The following RNGTT variants were observed in gnomAD, a reference collection of about 807,000 sequenced individuals.
RNGTT encodes the protein RNA guanylyltransferase and 5'-phosphatase, also known as mRNA-capping enzyme.
A neutral mutation model predicts 79.3 loss-of-function variants in RNGTT; 33 were observed. The ratio of observed to expected loss-of-function variants is 0.42; its 90% confidence interval spans 0.32 to 0.56. The LOEUF is 0.56. Among genes scored for constraint, RNGTT ranks in the 20% least tolerant of loss-of-function variants. The probability of loss-of-function intolerance (pLI) is 0.17; values close to 1 mark genes in which losing one functional copy is unlikely to be tolerated. For missense variants in RNGTT, 497 were observed against 739.1 expected (o/e 0.67, Z 3.80); for synonymous variants, 222 against 235.9 (o/e 0.94, Z 0.54).
At position 88,963,561 on chromosome 6, in the gene RNGTT, G is replaced by A; in HGVS notation, c.-152C>T. 2 of 656,938 alleles carry A rather than the reference G, an allele frequency of 3.0e-6. No individual in the cohort carries two copies. 40.7% of individuals were successfully genotyped at this position (656,938 alleles called of 1,614,324 possible). A position where few individuals can be genotyped will look rare whatever the true frequency, so the allele number is the denominator to read the frequency against. On this transcript the variant is annotated 5_prime_UTR_variant, in exon 1 of 16. Coordinates refer to ENST00000369485, the MANE Select transcript of RNGTT (RefSeq NM_003800.5). ...CCTCTCCGATCCGGGTAACGTCAGG[G>A]GCGGCGCGCCACTTTCATTCAGGAT...
chr6:88,724,961 T>C (rs985267235), intron 13 of RNGTT, among the ~76,000 whole-genome samples: 1 of 152,154 alleles, frequency 6.6e-6, no homozygotes, highest in Non-Finnish European at 1.5e-5. Context: ...TGGTCACGGA[T>C]AAGAACCCCT....
intron 11 of RNGTT, among the ~76,000 whole-genome samples, chr6:88,813,300 G>A (rs544198361): frequency 6.6e-6 from 1 of 152,220 alleles, no homozygotes; most frequent in South Asian, 2.1e-4. Flanking sequence ...AGATCCATGA[G>A]GTAGTATGAA....
chr6:88,614,490 C>A, intron 14 of RNGTT, 95 bp from the exon 15 acceptor site: 1 of 1,163,542 alleles, frequency 8.6e-7, no homozygotes, highest in Non-Finnish European at 1.2e-6. Flanking sequence ...GATAAAAATA[C>A]CTCAGTAACT....
chr6:88,961,959 C>T (rs1490698009), intron 1 of RNGTT, among the ~76,000 whole-genome samples: 3 of 152,194 alleles, frequency 2.0e-5, no homozygotes, highest in Non-Finnish European at 4.4e-5. Flanking sequence ...CAATAAACTA[C>T]TACTCTGCAA....
intron 11 of RNGTT, among the ~76,000 whole-genome samples, chr6:88,836,023 CAT>C (rs1231692909): frequency 0.064 from 5,903 of 91,646 alleles, 207 homozygotes; most frequent in South Asian, 0.12. Flanking sequence ...CACACACACA[CAT>C]ATATATATAA....
chr6:88,940,100 G>A (rs1784800786), intron 2 of RNGTT, among the ~76,000 whole-genome samples: 1 of 143,950 alleles, frequency 6.9e-6, no homozygotes, highest in Admixed American at 7.2e-5. Flanking sequence ...TTTTGAGACA[G>A]AGTCTCACTC....
At chr6:88,948,474 T>C in intron 1 of RNGTT, among the ~76,000 whole-genome samples, 1 of 119,710 alleles carries the variant, frequency 8.4e-6, no homozygotes, top group Middle Eastern at 4.7e-3. Context: ...AGCCGCCCCG[T>C]CCGGGAGGGA....
At chr6:88,631,999 C>T (rs1417118191) in intron 14 of RNGTT, among the ~76,000 whole-genome samples, 5 of 152,200 alleles carry the variant, frequency 3.3e-5, no homozygotes, top group South Asian at 4.2e-4. Context: ...CTTGCTCTGT[C>T]GCCCAAGCTA....
intron 11 of RNGTT, among the ~76,000 whole-genome samples, chr6:88,822,662 C>T (rs959520887): frequency 1.3e-5 from 2 of 152,158 alleles, no homozygotes; most frequent in Non-Finnish European, 2.9e-5. Context: ...TCACCCATTC[C>T]GTCGTTCCAG....
chr6:88,959,988 C>T (rs1562093467), intron 1 of RNGTT, among the ~76,000 whole-genome samples: 1 of 152,198 alleles, frequency 6.6e-6, no homozygotes, highest in Non-Finnish European at 1.5e-5. Flanking sequence ...CTTCTATTTA[C>T]TGAAGATAAT....
At position 88,743,484 on chromosome 6, in the gene RNGTT, C is replaced by G. The variant is rs140649998; in HGVS notation, c.1439+26290G>C. ...GAAACTCTACACCTATGAAAAATGA[C>G]TTCCCATTCCCCACTCCCTCCAGCC... On this transcript the variant is annotated intron_variant, in intron 13 of 15. Transcript: ENST00000369485. Among the ~76,000 whole-genome samples, 765 of 152,214 alleles carry G rather than the reference C, an allele frequency of 5.0e-3. 5 individuals carry two copies. The highest frequency in any genetic ancestry group is 0.017 in the African/African-American group (707 of 41,528).
intron 1 of RNGTT, among the ~76,000 whole-genome samples, 161 bp downstream of exon 1, chr6:88,963,185 T>G (rs1785701502): frequency 6.9e-6 from 1 of 144,682 alleles, no homozygotes; most frequent in Non-Finnish European, 1.5e-5. Flanking sequence ...TCCCCTCCCG[T>G]TCATGTTCCC....
chr6:88,649,436 C>T (rs374900148), intron 14 of RNGTT, among the ~76,000 whole-genome samples: 58 of 152,310 alleles, frequency 3.8e-4, no homozygotes, highest in African/African-American at 1.3e-3. Flanking sequence ...CGGTGGCTCA[C>T]GCCTGTAATC....
intron 14 of RNGTT, among the ~76,000 whole-genome samples, chr6:88,617,066 G>A (rs897682637): frequency 7.2e-5 from 11 of 152,126 alleles, no homozygotes; most frequent in African/African-American, 2.2e-4. Flanking sequence ...AGGTCAGATC[G>A]AGACCATCCT....
At chr6:88,660,320 T>A (rs1055423760) in intron 14 of RNGTT, among the ~76,000 whole-genome samples, 2 of 152,152 alleles carry the variant, frequency 1.3e-5, no homozygotes, top group African/African-American at 4.8e-5. Flanking sequence ...TAACATTGAA[T>A]GTAAATGGCC....
At chr6:88,926,791 T>A (rs1784333039) in intron 4 of RNGTT, among the ~76,000 whole-genome samples, 1 of 152,210 alleles carries the variant, frequency 6.6e-6, no homozygotes, top group South Asian at 2.1e-4. Flanking sequence ...ATAATTGCTA[T>A]GAAAAGAAAA....
At chr6:88,678,957 G>A (rs1190182226) in intron 13 of RNGTT, among the ~76,000 whole-genome samples, 1 of 152,024 alleles carries the variant, frequency 6.6e-6, no homozygotes, top group Non-Finnish European at 1.5e-5. Flanking sequence ...TACACTGAGT[G>A]TGCCTGCCTC....
intron 1 of RNGTT, among the ~76,000 whole-genome samples, chr6:88,958,566 GAACA>G (rs1785509756): frequency 6.6e-6 from 1 of 152,062 alleles, no homozygotes; most frequent in African/African-American, 2.4e-5. Context: ...CAAAGGACAT[GAACA>G]GACAAAAGAA....
At chr6:88,954,933 T>C (rs1228362914) in intron 1 of RNGTT, among the ~76,000 whole-genome samples, 1 of 151,722 alleles carries the variant, frequency 6.6e-6, no homozygotes, top group Non-Finnish European at 1.5e-5. Flanking sequence ...TGGCACGGGC[T>C]TGTAATCCCA....
Sources: gnomAD v4.1 joint callset for allele counts (sites outside exome capture counted in the v4.1 genomes callset) on GRCh38, gnomAD v4.1.1 for gene constraint, MANE v1.5 for transcripts, NCBI Gene and HGNC (gene_info 2026-07-23, HGNC 2026-07-21) for gene names.